The following CCSER1 variants were observed in gnomAD, a reference collection of about 807,000 sequenced individuals.
The protein encoded by CCSER1 is serine-rich coiled-coil domain-containing protein 1.
A neutral mutation model predicts 82.0 loss-of-function variants in CCSER1; 41 were observed. The observed-to-expected ratio is 0.50, with a 90% CI of 0.39 to 0.65. The LOEUF is 0.65. Ranked by LOEUF, CCSER1 falls within the 30% of genes least tolerant of loss-of-function variation. The pLI is 0.00. For missense variants in CCSER1, 1,119 were observed against 1,064.2 expected, an observed-to-expected ratio of 1.05 and a Z score of -0.72; for synonymous variants, 414 against 383.9, an observed-to-expected ratio of 1.08 and a Z score of -0.92.
chr4:90,507,332 G>A (rs1770846852), intron 5 of CCSER1, among the ~76,000 whole-genome samples: 1 of 150,658 alleles, frequency 6.6e-6, no homozygotes, highest in South Asian at 2.1e-4. Flanking sequence ...TAAGAGGCTT[G>A]TAAGAGAGAA....
At chr4:90,291,781 T>C (rs1376260794) in intron 1 of CCSER1, among the ~76,000 whole-genome samples, 1 of 152,020 alleles carries the variant, frequency 6.6e-6, no homozygotes, top group African/African-American at 2.4e-5. Flanking sequence ...AAGTCTACTT[T>C]GAAATAAAAT....
At chr4:90,633,791 G>A (rs1396636912) in intron 6 of CCSER1, among the ~76,000 whole-genome samples, 1 of 151,814 alleles carries the variant, frequency 6.6e-6, no homozygotes, top group African/African-American at 2.4e-5. Context: ...TAATTTTGAG[G>A]TGAGCTAAGA....
At chr4:90,742,448 T>C (rs1026641496) in intron 7 of CCSER1, among the ~76,000 whole-genome samples, 2 of 152,178 alleles carry the variant, frequency 1.3e-5, no homozygotes, top group African/African-American at 4.8e-5. Context: ...GTCCTCAGTA[T>C]AAAGCCCTTA....
At chr4:90,420,435 G>C (rs1241999387) in intron 4 of CCSER1, among the ~76,000 whole-genome samples, 1 of 151,976 alleles carries the variant, frequency 6.6e-6, no homozygotes, top group African/African-American at 2.4e-5. Flanking sequence ...CACATAGTTT[G>C]CTTGTAATAA....
At chr4:90,390,113 G>C (rs1037857946) in intron 3 of CCSER1, among the ~76,000 whole-genome samples, 4 of 152,152 alleles carry the variant, frequency 2.6e-5, no homozygotes, top group Admixed American at 6.5e-5. Context: ...GACATTTTTA[G>C]AAGGCAGTAT....
At chr4:90,790,829 G>T (rs983784263) in intron 7 of CCSER1, among the ~76,000 whole-genome samples, 3 of 152,096 alleles carry the variant, frequency 2.0e-5, no homozygotes, top group African/African-American at 4.8e-5. Flanking sequence ...ACATTTTCCT[G>T]TCTTCTTCTG....
intron 10 of CCSER1, among the ~76,000 whole-genome samples, chr4:91,557,893 A>G (rs1762476574): frequency 6.6e-6 from 1 of 151,512 alleles, no homozygotes; most frequent in East Asian, 1.9e-4. Flanking sequence ...GACATTTTGT[A>G]AGCAAAATGT....
intron 10 of CCSER1, among the ~76,000 whole-genome samples, chr4:91,186,816 C>T (rs1215438715): frequency 1.3e-5 from 2 of 152,234 alleles, no homozygotes; most frequent in Admixed American, 6.5e-5. Context: ...GCACAGATTG[C>T]TCATGCTATT....
chr4:90,406,283 G>A (rs1179231117), intron 4 of CCSER1, among the ~76,000 whole-genome samples: 2 of 152,114 alleles, frequency 1.3e-5, no homozygotes, highest in African/African-American at 2.4e-5. Context: ...ACTATATAAT[G>A]ATAAGAGTAG....
intron 10 of CCSER1, among the ~76,000 whole-genome samples, chr4:91,377,602 T>G (rs987951004): frequency 6.6e-6 from 1 of 152,214 alleles, no homozygotes; most frequent in African/African-American, 2.4e-5. Flanking sequence ...GGTTGTTTGT[T>G]TTTTTCTTGT....
chr4:91,003,990 C>A lies in CCSER1; in HGVS notation c.2172+80543C>A, dbSNP rs1021773735. On this transcript the variant is annotated intron_variant, in intron 9 of 10. Transcript: ENST00000509176. Reference sequence around the variant, plus strand: ...AATCTTCTTCCATGATCTAGACCTTCAGGTTCCCCAGTCAGGGTGTGTGTT... The same window carrying A: ...AATCTTCTTCCATGATCTAGACCTTAAGGTTCCCCAGTCAGGGTGTGTGTT... Among the ~76,000 whole-genome samples, 4 of 152,340 alleles carry A rather than the reference C, an allele frequency of 2.6e-5. No homozygotes were observed. The South Asian group carries it at 8.3e-4, about 32-fold the overall frequency.
chr4:90,988,392 G>A (rs1736755168), intron 9 of CCSER1, among the ~76,000 whole-genome samples: 1 of 145,996 alleles, frequency 6.8e-6, no homozygotes, highest in African/African-American at 2.5e-5. Flanking sequence ...TAAATATCCT[G>A]GTCTTGACAT....
chr4:90,844,221 G>T (rs538443737), intron 8 of CCSER1, among the ~76,000 whole-genome samples: 1 of 151,436 alleles, frequency 6.6e-6, no homozygotes, highest in African/African-American at 2.4e-5. Flanking sequence ...TATATGTATA[G>T]AGAGAGAGAG....
At chr4:90,436,270 T>A (rs1002558905) in intron 4 of CCSER1, among the ~76,000 whole-genome samples, 2 of 152,156 alleles carry the variant, frequency 1.3e-5, no homozygotes, top group Non-Finnish European at 2.9e-5. Flanking sequence ...CAAATATGTC[T>A]TTTTCTGGAA....
At chr4:91,466,023 T>C (rs1459691192) in intron 10 of CCSER1, among the ~76,000 whole-genome samples, 2 of 152,166 alleles carry the variant, frequency 1.3e-5, no homozygotes, top group Admixed American at 6.5e-5. Flanking sequence ...ATCATCCTGA[T>C]ACCAAAGCCT....
At chr4:90,650,365 C>T (rs926994475) in intron 6 of CCSER1, among the ~76,000 whole-genome samples, 5 of 152,002 alleles carry the variant, frequency 3.3e-5, no homozygotes, top group Non-Finnish European at 7.4e-5. Context: ...TTGTGGGATT[C>T]AATTGCAAAG....
intron 8 of CCSER1, among the ~76,000 whole-genome samples, chr4:90,895,146 A>T (rs1159539432): frequency 6.6e-6 from 1 of 151,940 alleles, no homozygotes; most frequent in Non-Finnish European, 1.5e-5. Context: ...ATTATATAAG[A>T]TTGTTATTCT....
chr4:91,271,986 CCA>C (rs761282712), intron 10 of CCSER1, among the ~76,000 whole-genome samples: 3 of 152,056 alleles, frequency 2.0e-5, no homozygotes, highest in Non-Finnish European at 4.4e-5. Context: ...ACTCCTGATA[CCA>C]CAGTTTCTTT....
chr4:90,482,077 A>G (rs185406734), intron 5 of CCSER1, among the ~76,000 whole-genome samples: 1 of 152,216 alleles, frequency 6.6e-6, no homozygotes, highest in Admixed American at 6.5e-5. Flanking sequence ...CAGAGATTCA[A>G]CTTCTTCCTG....
Sources: gnomAD v4.1 joint callset for allele counts (sites outside exome capture counted in the v4.1 genomes callset) on GRCh38, gnomAD v4.1.1 for gene constraint, MANE v1.5 for transcripts, NCBI Gene and HGNC (gene_info 2026-07-23, HGNC 2026-07-21) for gene names.